The following SLC5A4 variants were observed in gnomAD, a reference collection of about 807,000 sequenced individuals.
The protein encoded by SLC5A4 is probable glucose sensor protein SLC5A4.
SLC5A4 carries 55 observed loss-of-function variants against 70.3 expected under a neutral mutation model. The ratio of observed to expected loss-of-function variants is 0.78; its 90% CI spans 0.63 to 0.98. The LOEUF (loss-of-function observed/expected upper bound fraction) is 0.98, where lower values mean the gene tolerates loss of function less well. Among genes scored for constraint, SLC5A4 ranks in the 50% least tolerant of loss-of-function variants. The pLI, the probability that SLC5A4 is intolerant of heterozygous loss-of-function variation, is 0.00. For missense variants in SLC5A4, 735 were observed against 839.2 expected (o/e 0.88, Z 1.53); for synonymous variants, 268 against 305.7 (o/e 0.88, Z 1.29).
chr22:32,339,367 C>G, the SLC5A4 span, among the ~76,000 whole-genome samples: 3 of 152,150 alleles, frequency 2.0e-5, no homozygotes, highest in South Asian at 6.2e-4. Flanking sequence ...GTCCATTGTA[C>G]TGATGGGAAC....
At chr22:32,227,064 T>C (rs1342121300) in intron 11 of SLC5A4, among the ~76,000 whole-genome samples, 2 of 152,140 alleles carry the variant, frequency 1.3e-5, no homozygotes, top group African/African-American at 4.8e-5. Context: ...TTTGTCTTTC[T>C]AGCACCTCTG....
At chr22:32,339,448 C>T in the SLC5A4 span, among the ~76,000 whole-genome samples, 1 of 152,216 alleles carries the variant, frequency 6.6e-6, no homozygotes, top group African/African-American at 2.4e-5. Flanking sequence ...CTGAACTCAG[C>T]TCTGATTCGA....
At chr22:32,238,387 A>C (rs1926188268) in intron 6 of SLC5A4, among the ~76,000 whole-genome samples, 1 of 152,198 alleles carries the variant, frequency 6.6e-6, no homozygotes, top group African/African-American at 2.4e-5. Context: ...AAATGGCCCC[A>C]AAACTGTTTT....
the SLC5A4 span, among the ~76,000 whole-genome samples, chr22:32,317,221 A>G: frequency 6.6e-6 from 1 of 152,164 alleles, no homozygotes; most frequent in Non-Finnish European, 1.5e-5. Flanking sequence ...TCTAGACTAT[A>G]ACAAAATATA....
At chr22:32,272,309 G>A in the SLC5A4 span, 12 of 815,932 alleles carry the variant, frequency 1.5e-5, no homozygotes. Flanking sequence ...AGCAGAAGGG[G>A]CCCGTGACTG....
intron 10 of SLC5A4, among the ~76,000 whole-genome samples, 180 bp from the exon 11 acceptor site, chr22:32,229,524 T>C (rs1226675833): frequency 6.6e-6 from 1 of 152,140 alleles, no homozygotes; most frequent in African/African-American, 2.4e-5. Flanking sequence ...TAATCCAGTA[T>C]AAATAAGTCA....
chr22:32,273,018 T>C, the SLC5A4 span: 1 of 541,042 alleles, frequency 1.8e-6, no homozygotes, highest in Middle Eastern at 3.5e-4. Flanking sequence ...CTGAGCACCA[T>C]GGAGCAGCAA....
At chr22:32,328,262 G>A in the SLC5A4 span, among the ~76,000 whole-genome samples, 1 of 152,240 alleles carries the variant, frequency 6.6e-6, no homozygotes, top group South Asian at 2.1e-4. Flanking sequence ...GCAGCCCTAA[G>A]ACAGCCTCCA....
At chr22:32,289,481 C>T in the SLC5A4 span, among the ~76,000 whole-genome samples, 1 of 152,194 alleles carries the variant, frequency 6.6e-6, no homozygotes, top group African/African-American at 2.4e-5. Context: ...CGCCATCACG[C>T]TCCTCTCCTT....
At chr22:32,272,752 C>G in the SLC5A4 span, 1 of 511,238 alleles carries the variant, frequency 2.0e-6, no homozygotes, top group South Asian at 1.7e-5. Flanking sequence ...TGCCAGGGAG[C>G]CACTGAGGGG....
the SLC5A4 span, among the ~76,000 whole-genome samples, chr22:32,288,823 T>C: frequency 1.3e-5 from 2 of 152,226 alleles, no homozygotes; most frequent in Non-Finnish European, 2.9e-5. Context: ...TGGGATTACA[T>C]ATTTCTTAAT....
chr22:32,317,960 C>T, the SLC5A4 span, among the ~76,000 whole-genome samples: 1 of 152,278 alleles, frequency 6.6e-6, no homozygotes, highest in African/African-American at 2.4e-5. Context: ...CAGAATTTGC[C>T]CTTGTCAAGG....
At chr22:32,352,900 C>G in the SLC5A4 span, among the ~76,000 whole-genome samples, 2 of 152,240 alleles carry the variant, frequency 1.3e-5, no homozygotes, top group African/African-American at 4.8e-5. Flanking sequence ...AGTCTTTAGT[C>G]TCCATGGCCG....
At chr22:32,304,287 T>C in the SLC5A4 span, among the ~76,000 whole-genome samples, 4 of 152,076 alleles carry the variant, frequency 2.6e-5, no homozygotes, top group African/African-American at 7.2e-5. Flanking sequence ...CCACCATGCA[T>C]GGCTATTTTT....
chr22:32,341,717 C>A, the SLC5A4 span, among the ~76,000 whole-genome samples: 1 of 152,170 alleles, frequency 6.6e-6, no homozygotes, highest in Non-Finnish European at 1.5e-5. Flanking sequence ...TATGTTCTGC[C>A]CCTGCCAACC....
chr22:32,256,013 A>G (rs985508411), upstream of SLC5A4, among the ~76,000 whole-genome samples: 2 of 152,160 alleles, frequency 1.3e-5, no homozygotes, highest in Non-Finnish European at 2.9e-5. Flanking sequence ...CCTGGACTAC[A>G]GCCAAGAAGA....
the SLC5A4 span, among the ~76,000 whole-genome samples, chr22:32,349,939 C>A: frequency 3.3e-5 from 5 of 152,050 alleles, no homozygotes; most frequent in Non-Finnish European, 2.9e-5. Context: ...CCTTCTTATC[C>A]GCAACTTTCT....
chr22:32,238,362 A>T (rs1308808761), intron 6 of SLC5A4, among the ~76,000 whole-genome samples: 1 of 152,224 alleles, frequency 6.6e-6, no homozygotes, highest in Non-Finnish European at 1.5e-5. Context: ...TTAGGTTGAC[A>T]GCTCAAATGC....
intron 10 of SLC5A4, 34 bp downstream of exon 10, chr22:32,230,934 C>T (rs1925715769): frequency 2.1e-6 from 3 of 1,404,526 alleles, no homozygotes; most frequent in East Asian, 2.3e-5. Context: ...TTAGACAGGC[C>T]TCTGGGGCTG....
Sources: gnomAD v4.1 joint callset for allele counts (sites outside exome capture counted in the v4.1 genomes callset) on GRCh38, gnomAD v4.1.1 for gene constraint, MANE v1.5 for transcripts, NCBI Gene and HGNC (gene_info 2026-07-23, HGNC 2026-07-21) for gene names.